The following PEX19 variants were observed in gnomAD, a reference collection of about 807,000 sequenced individuals.
The protein encoded by PEX19 is 33 kDa housekeeping protein.
PEX19 carries 29 observed loss-of-function variants against 36.3 expected under a neutral mutation model. The observed-to-expected ratio is 0.80, with a 90% CI of 0.60 to 1.09. The LOEUF is 1.09. Ranked by LOEUF, PEX19 falls within the 50% of genes least tolerant of loss-of-function variation. The pLI, the probability that PEX19 is intolerant of heterozygous loss-of-function variation, is 0.00. For missense variants in PEX19, 396 were observed against 368.1 expected (o/e 1.08, Z -0.62); for synonymous variants, 141 against 135.2 (o/e 1.04, Z -0.30).
chr1:160,278,716 G>A lies in PEX19; in HGVS notation c.*835C>T, dbSNP rs755160076. 2 of 454,138 alleles carry A rather than the reference G, an allele frequency of 4.4e-6. No homozygotes were observed. The highest frequency in any genetic ancestry group is 1.6e-5 in the South Asian group (1 of 64,484). 28.1% of individuals were successfully genotyped at this position (454,138 alleles called of 1,614,324 possible). A position where few individuals can be genotyped will look rare whatever the true frequency, so the allele number is the denominator to read the frequency against. On this transcript the variant is annotated 3_prime_UTR_variant, in exon 8 of 8. Transcript: ENST00000368072. ...GGAAGACGGGGAGTCAGTGAGAATC[G>A]TAAATGGACTAGATGAGGGGAAATA...
intron 4 of PEX19, 66 bp from the exon 5 acceptor site, chr1:160,282,266 G>A (rs1657803349): frequency 1.9e-6 from 3 of 1,564,076 alleles, no homozygotes; most frequent in African/African-American, 1.4e-5. Context: ...ACTCTCTCAG[G>A]TGACAAAGAT....
chr1:160,280,344 G>A (rs1017612729), intron 5 of PEX19, 98 bp from the exon 6 acceptor site: 49 of 1,163,924 alleles, frequency 4.2e-5, no homozygotes, highest in Non-Finnish European at 5.8e-5. Flanking sequence ...GGAAAGGGAC[G>A]TAGAAAAACG....
chr1:160,280,226 A>G lies in PEX19; in HGVS notation c.615T>C (p.Ser205=). 6.2e-7 allele frequency: 1 copy of G among 1,613,994 alleles called. No homozygotes were observed. Among genetic ancestry groups the G allele is most frequent in the Non-Finnish European group, 8.5e-7 (1 of 1,179,888 alleles). Residue 205 remains serine (S), a synonymous_variant, in exon 6 of 8, where the codon AGT becomes AGC. Coordinates refer to ENST00000368072, the MANE Select transcript of PEX19 (RefSeq NM_002857.4). ...GCTCTGGAGGTAGAGATTCCCGATG[A>G]CTCTGCAACCATTCTGGATACTAAG... ...ITEKYPEWLQ[S]HRESLPPEQF...
Position 160,279,382 on chromosome 1 carries a change from G to A in PEX19, c.*169C>T, listed in dbSNP as rs192931972. On this transcript the variant is annotated 3_prime_UTR_variant, in exon 8 of 8. Coordinates refer to ENST00000368072, the MANE Select transcript of PEX19 (RefSeq NM_002857.4). ...GCCTGTGAAACAGACCCTATTCCTA[G>A]AGAGACAGAGGAAAAACCTCAGCTG... 3.0e-4 allele frequency: 213 copies of A among 710,604 alleles called. No homozygotes were observed. In the East Asian group the frequency reaches 5.3e-3, roughly 18 times the overall value. The allele number at this position is 710,604 out of a possible 1,614,324, so 44.0% of individuals were successfully genotyped here. A position where few individuals can be genotyped will look rare whatever the true frequency, so the allele number is the denominator to read the frequency against.
chr1:160,282,069 C>T lies in PEX19; in HGVS notation c.564G>A (p.Leu188=), dbSNP rs149058086. Residue 188 remains leucine, a synonymous_variant, in exon 5 of 8, where the codon CTG becomes CTA. Coordinates refer to ENST00000368072, the MANE Select transcript of PEX19 (RefSeq NM_002857.4). ...IMQNLLSKDV[L]YPSLKEITEK... Reference sequence around the variant, plus strand: ...CTGTGATCTCCTTCAGTGATGGGTACAGCACATCCTTGGAGAGTAGGTTCT... The same window carrying T: ...CTGTGATCTCCTTCAGTGATGGGTATAGCACATCCTTGGAGAGTAGGTTCT... The T allele has an allele frequency of 1.3e-4, 208 of 1,614,048 alleles. 1 individual carries two copies. In the African/African-American group the frequency reaches 2.5e-3, roughly 20 times the overall value.
Position 160,279,606 on chromosome 1 carries a change from G to A in PEX19, c.845C>T (p.Ala282Val), listed in dbSNP as rs373092548. The A allele has an allele frequency of 1.4e-5, 22 of 1,614,028 alleles. No homozygotes were observed. In the African/African-American group the frequency reaches 2.5e-4, roughly 19 times the overall value. Reference protein sequence around the residue: ...MPPGLNFDLDALNLSGPPGAS... With the variant: ...MPPGLNFDLDVLNLSGPPGAS... ...ACCTGGTGGGCCCGAAAGATTGAGG[G>A]CATCCAGGTCAAAGTTGAGGCCAGG... The change falls in exon 8 of 8, where the codon GCC (alanine) becomes GTC (valine). Residue 282 changes from alanine (A) to valine (V), a missense_variant. Transcript: ENST00000368072.
chr1:160,284,571 G>T (rs1657924506), intron 1 of PEX19, among the ~76,000 whole-genome samples: 1 of 152,180 alleles, frequency 6.6e-6, no homozygotes, highest in Non-Finnish European at 1.5e-5. Flanking sequence ...CTGTTAAGGG[G>T]CCTAACGAGA....
chr1:160,277,058 T>C lies in PEX19; in HGVS notation c.*2493A>G, dbSNP rs1310589750. On this transcript the variant is annotated 3_prime_UTR_variant, in exon 8 of 8. Coordinates refer to ENST00000368072, the MANE Select transcript of PEX19 (RefSeq NM_002857.4). Reference sequence around the variant, plus strand: ...TGACACATTCTTGCTGAAGAACAAGTTCTCTGGAAGTGAAACTCAAATAGG... The same window carrying C: ...TGACACATTCTTGCTGAAGAACAAGCTCTCTGGAAGTGAAACTCAAATAGG... 2.2e-6 allele frequency: 1 copy of C among 454,058 alleles called. No individual in the cohort carries two copies. 28.1% of individuals were successfully genotyped at this position (454,058 alleles called of 1,614,324 possible). A position where few individuals can be genotyped will look rare whatever the true frequency, so the allele number is the denominator to read the frequency against.
chr1:160,280,318 G>T, intron 5 of PEX19, 72 bp from the exon 6 acceptor site: 1 of 1,386,922 alleles, frequency 7.2e-7, no homozygotes, highest in South Asian at 1.2e-5. Flanking sequence ...AGAACAATGT[G>T]ATTAAAATGT....
At position 160,282,515 on chromosome 1, in the gene PEX19, A is replaced by T. The variant is rs371091340; in HGVS notation, c.347-13T>A. On this transcript the variant is annotated splice_polypyrimidine_tract_variant and intron_variant, in intron 3 of 7. Coordinates refer to ENST00000368072, the MANE Select transcript of PEX19 (RefSeq NM_002857.4). Reference sequence around the variant, plus strand: ...GTCATATCACTGCCTAGGAGAGATTAAAAAAGCCAGCGTCATTTAGGAGTT... The same window carrying T: ...GTCATATCACTGCCTAGGAGAGATTTAAAAAGCCAGCGTCATTTAGGAGTT... 108 of 1,603,676 alleles carry T rather than the reference A, an allele frequency of 6.7e-5. No homozygotes were observed. In the African/African-American group the frequency reaches 1.1e-3, roughly 16 times the overall value.
chr1:160,283,135 C>G, intron 2 of PEX19, 26 bp from the exon 3 acceptor site: 3 of 1,611,786 alleles, frequency 1.9e-6, no homozygotes, highest in South Asian at 1.1e-5. Flanking sequence ...GGCTGAAATG[C>G]GTCTCTTACT....
rs752489082 is a variant in PEX19 at position 160,282,176 on chromosome 1, G to A, written c.457C>T (p.Leu153=). 1.2e-4 allele frequency: 196 copies of A among 1,614,034 alleles called. 5 individuals carry two copies. The South Asian group carries it at 2.1e-3, about 17-fold the overall frequency. The part of the protein sequence containing the change: ...LQNSSMSEEE[L]TKAMEGLGMD... ...CCTAGCCCCTCCATGGCCTTGGTCA[G>A]CTCTTCTTCCGACATGCTGGAGTTC... is the stretch of plus-strand genomic sequence containing the variant. Residue 153 remains leucine (L), a synonymous_variant, in exon 5 of 8, where the codon CTG becomes TTG. Transcript: ENST00000368072.
chr1:160,279,737 G>C, intron 7 of PEX19, 64 bp downstream of exon 7: 2 of 1,549,822 alleles, frequency 1.3e-6, no homozygotes, highest in South Asian at 1.1e-5. Context: ...GGAATCCTGA[G>C]AGGTTAAAGA....
Position 160,277,992 on chromosome 1 carries a change from A to G in PEX19, c.*1559T>C, listed in dbSNP as rs745890110. The G allele has an allele frequency of 7.2e-5, 50 of 698,858 alleles. No individual in the cohort carries two copies. In the South Asian group the frequency reaches 7.5e-4, roughly 10 times the overall value. 43.3% of individuals were successfully genotyped at this position (698,858 alleles called of 1,614,324 possible). A position where few individuals can be genotyped will look rare whatever the true frequency, so the allele number is the denominator to read the frequency against. On this transcript the variant is annotated 3_prime_UTR_variant, in exon 8 of 8. Coordinates refer to ENST00000368072, the MANE Select transcript of PEX19 (RefSeq NM_002857.4). ...ATACCATAAAACATGTAAGGTCTTC[A>G]AGGGGTGAAAAGTTTTAACCTCGGG...
chr1:160,282,743 G>A (rs1657826679), intron 3 of PEX19: 6 of 699,258 alleles, frequency 8.6e-6, no homozygotes, highest in Non-Finnish European at 1.5e-5. Flanking sequence ...GGTCAGTTTT[G>A]AATAATGTTT....
chr1:160,282,655 AAATCTATTTAGTAC>A, intron 3 of PEX19, 153 bp from the exon 4 acceptor site: 1 of 730,974 alleles, frequency 1.4e-6, no homozygotes, highest in Non-Finnish European at 2.4e-6. Context: ...GTCTTTTCAT[AAATCTATTTAGTAC>A]ACGGACTCTG....
At position 160,282,867 on chromosome 1, in the gene PEX19, T is replaced by A; in HGVS notation, c.346+77A>T. 3 of 1,484,958 alleles carry A rather than the reference T, an allele frequency of 2.0e-6. No individual in the cohort carries two copies. In the South Asian group the frequency reaches 3.4e-5, roughly 17 times the overall value. 92.0% of individuals were successfully genotyped at this position (1,484,958 alleles called of 1,614,324 possible). On this transcript the variant is annotated intron_variant, in intron 3 of 7. Coordinates refer to ENST00000368072, the MANE Select transcript of PEX19 (RefSeq NM_002857.4). ...ACATCATGATTGCTATCAACTTCAC[T>A]AAGAATTCTGGTGTTTTCAGGCAAC...
chr1:160,280,268 G>A lies in PEX19; in HGVS notation c.595-22C>T, dbSNP rs754384175. ...GATACTAAGAAAAGAGAGAATGGGTGGAAAAGAATTAAGTGAACAATGGAT... is the reference window on the plus strand; with the variant it reads ...GATACTAAGAAAAGAGAGAATGGGTAGAAAAGAATTAAGTGAACAATGGAT... On this transcript the variant is annotated intron_variant, in intron 5 of 7. Transcript: ENST00000368072. The A allele has an allele frequency of 2.5e-6, 4 of 1,604,116 alleles. No individual in the cohort carries two copies. In the South Asian group the frequency reaches 4.4e-5, roughly 18 times the overall value.
At position 160,279,563 on chromosome 1, in the gene PEX19, A is replaced by G. The variant is rs1381570206; in HGVS notation, c.888T>C (p.Cys296=). Residue 296 remains cysteine (C), a synonymous_variant, in exon 8 of 8, where the codon TGT becomes TGC. Transcript: ENST00000368072. Reference sequence around the variant, plus strand: ...AACGTGTTGTGTTTCACATGATCAGACACTGTTCACCACTGGCACCTGGTG... The same window carrying G: ...AACGTGTTGTGTTTCACATGATCAGGCACTGTTCACCACTGGCACCTGGTG... ...SGPPGASGEQ[C]LIM 1 of 1,613,580 alleles carries G rather than the reference A, an allele frequency of 6.2e-7. No individual in the cohort carries two copies. Among genetic ancestry groups the G allele is most frequent in the Non-Finnish European group, 8.5e-7 (1 of 1,179,588 alleles).
Sources: allele counts gnomAD v4.1 joint callset (sites outside exome capture counted in the v4.1 genomes callset), GRCh38; gene constraint gnomAD v4.1.1; transcripts MANE v1.5; gene names NCBI Gene and HGNC (gene_info 2026-07-23, HGNC 2026-07-21).